The following PCNX2 variants were observed in gnomAD, a reference collection of about 807,000 sequenced individuals.
The protein encoded by PCNX2 is pecanex-like protein 2.
A neutral mutation model predicts 223.8 loss-of-function variants in PCNX2; 168 were observed. The ratio of observed to expected loss-of-function variants is 0.75; its 90% CI spans 0.66 to 0.85. The LOEUF is 0.85. Ranked by LOEUF, PCNX2 falls within the 40% of genes least tolerant of loss-of-function variation. The probability of loss-of-function intolerance (pLI) is 0.00; values close to 1 mark genes in which losing one functional copy is unlikely to be tolerated. For synonymous variants in PCNX2, 1,006 were observed against 1,052.6 expected (o/e 0.96, Z 0.86); for missense variants, 2,507 against 2,675.5 (o/e 0.94, Z 1.39).
intron 4 of PCNX2, 86 bp downstream of exon 4, chr1:233,261,199 A>C: frequency 4.0e-6 from 5 of 1,234,870 alleles, no homozygotes; most frequent in Non-Finnish European, 5.9e-6. Flanking sequence ...ATTTTCAATT[A>C]ATCCACTGGC....
chr1:233,243,842 T>A (rs1658937097), intron 8 of PCNX2, among the ~76,000 whole-genome samples: 1 of 151,920 alleles, frequency 6.6e-6, no homozygotes, highest in South Asian at 2.1e-4. Context: ...TATTTTTTAT[T>A]TTTTTTTGAG....
At chr1:233,185,055 T>C (rs796317924) in intron 15 of PCNX2, among the ~76,000 whole-genome samples, 1 of 149,986 alleles carries the variant, frequency 6.7e-6, no homozygotes, top group African/African-American at 2.5e-5. Context: ...TGTTCACTTT[T>C]TCAACTAATG....
At chr1:233,207,816 G>A (rs1269514629) in intron 13 of PCNX2, among the ~76,000 whole-genome samples, 1 of 152,138 alleles carries the variant, frequency 6.6e-6, no homozygotes, top group Non-Finnish European at 1.5e-5. Context: ...CTTAAGTCAA[G>A]CAAAGGGATT....
At chr1:232,984,578 G>C (rs1315521144) in intron 33 of PCNX2, 101 bp from the exon 34 acceptor site, 3 of 1,323,570 alleles carry the variant, frequency 2.3e-6, no homozygotes, top group Non-Finnish European at 3.1e-6. Context: ...CTAAAGGCTA[G>C]CGCTGCCATA....
intron 1 of PCNX2, among the ~76,000 whole-genome samples, chr1:233,265,533 T>A (rs375211182): frequency 6.6e-6 from 1 of 152,200 alleles, no homozygotes. Context: ...GTTTTCCAGA[T>A]GATATGTCTA....
At position 233,050,555 on chromosome 1, in the gene PCNX2, C is replaced by T. The variant is rs556045749; in HGVS notation, c.4351+3713G>A. ...ACACCTATAGCCATCTGATCTTTGA[C>T]AAAGTCAACAAAAATAAGCAATGGG... is the stretch of plus-strand genomic sequence containing the variant. On this transcript the variant is annotated intron_variant, in intron 25 of 33. Transcript: ENST00000258229. 3.9e-5 allele frequency among the ~76,000 whole-genome samples: 6 copies of T among 152,226 alleles called. No individual in the cohort carries two copies. The South Asian group carries it at 1.2e-3, about 32-fold the overall frequency.
chr1:233,176,740 G>A (rs1225600195), intron 17 of PCNX2, among the ~76,000 whole-genome samples: 1 of 152,238 alleles, frequency 6.6e-6, no homozygotes, highest in African/African-American at 2.4e-5. Context: ...TAGGCTGGGG[G>A]CGGTGGCTCA....
chr1:233,170,418 T>C (rs1484818925), intron 17 of PCNX2, among the ~76,000 whole-genome samples: 1 of 152,214 alleles, frequency 6.6e-6, no homozygotes, highest in Non-Finnish European at 1.5e-5. Flanking sequence ...CATATATTCA[T>C]GGTTTTTGGC....
At chr1:233,047,946 C>T (rs1020534865) in intron 25 of PCNX2, among the ~76,000 whole-genome samples, 4 of 152,086 alleles carry the variant, frequency 2.6e-5, no homozygotes, top group Non-Finnish European at 5.9e-5. Context: ...GCAAGATCAA[C>T]CACATGCTCA....
At chr1:233,326,910 G>C in the PCNX2 span, among the ~76,000 whole-genome samples, 21 of 152,258 alleles carry the variant, frequency 1.4e-4, no homozygotes, top group East Asian at 3.9e-3. Flanking sequence ...TTCCATCTGA[G>C]TAGACAGTAA....
intron 17 of PCNX2, 89 bp downstream of exon 17, chr1:233,177,713 G>T: frequency 1.8e-6 from 2 of 1,133,776 alleles, no homozygotes; most frequent in Non-Finnish European, 2.6e-6. Context: ...TCCTTCTCAT[G>T]TCCACCTGCC....
At chr1:233,071,653 G>C (rs1371624153) in intron 23 of PCNX2, among the ~76,000 whole-genome samples, 1 of 152,118 alleles carries the variant, frequency 6.6e-6, no homozygotes, top group Non-Finnish European at 1.5e-5. Flanking sequence ...ATTCCTTTGG[G>C]TATATACTCA....
chr1:233,174,545 A>G (rs1047553082), intron 17 of PCNX2, among the ~76,000 whole-genome samples: 2 of 152,000 alleles, frequency 1.3e-5, no homozygotes, highest in Non-Finnish European at 2.9e-5. Context: ...CCCCTGTTCC[A>G]ACATTCCACA....
chr1:233,280,544 C>T (rs369699943), intron 1 of PCNX2, among the ~76,000 whole-genome samples: 112 of 152,228 alleles, frequency 7.4e-4, no homozygotes, highest in African/African-American at 2.2e-3. Flanking sequence ...GTGATCCACC[C>T]GCCTAGGCCT....
At chr1:233,100,805 A>C (rs1443824703) in intron 21 of PCNX2, among the ~76,000 whole-genome samples, 1 of 152,204 alleles carries the variant, frequency 6.6e-6, no homozygotes, top group African/African-American at 2.4e-5. Flanking sequence ...TTTTCTCTCC[A>C]AATCCCACTC....
At chr1:233,026,978 G>A (rs775663717) in intron 25 of PCNX2, among the ~76,000 whole-genome samples, 3 of 152,300 alleles carry the variant, frequency 2.0e-5, no homozygotes, top group Non-Finnish European at 2.9e-5. Flanking sequence ...TCACCTATAT[G>A]CTAATAAGAG....
At chr1:233,124,545 A>G (rs1675993462) in intron 21 of PCNX2, among the ~76,000 whole-genome samples, 1 of 152,214 alleles carries the variant, frequency 6.6e-6, no homozygotes, top group Non-Finnish European at 1.5e-5. Flanking sequence ...GACCCTGTGA[A>G]GCAGGTGGAT....
chr1:233,014,529 T>C lies in PCNX2; in HGVS notation c.4952+136A>G, dbSNP rs149306413. 833 of 673,178 alleles carry C rather than the reference T, an allele frequency of 1.2e-3. 5 individuals carry two copies. The African/African-American group carries it at 0.013, about 11-fold the overall frequency. The allele number at this position is 673,178 out of a possible 1,614,324, so 41.7% of individuals were successfully genotyped here. ...AAATGTTCATGTAGGCCCAATATAA[T>C]TTATTATGAAAAGAACTATCTGAAA... is the stretch of plus-strand genomic sequence containing the variant. On this transcript the variant is annotated intron_variant, in intron 28 of 33. Coordinates refer to ENST00000258229, the MANE Select transcript of PCNX2 (RefSeq NM_014801.4).
chr1:233,289,544 C>T, intron 1 of PCNX2: 1 of 644,704 alleles, frequency 1.6e-6, no homozygotes, highest in South Asian at 1.9e-5. Flanking sequence ...GCCTGAAATA[C>T]AACTCTGCTT....
Sources: gnomAD v4.1 joint callset for allele counts (sites outside exome capture counted in the v4.1 genomes callset) on GRCh38, gnomAD v4.1.1 for gene constraint, MANE v1.5 for transcripts, NCBI Gene and HGNC (gene_info 2026-07-23, HGNC 2026-07-21) for gene names.